Variants in DIP2C observed in about 807,000 individuals in gnomAD.
DIP2C encodes disco-interacting protein 2 homolog C.
In DIP2C, 33 loss-of-function variants were observed where a neutral mutation model predicts 192.4. The observed-to-expected ratio is 0.17, with a 90% CI of 0.13 to 0.23. The LOEUF is 0.23. Among genes scored for constraint, DIP2C ranks in the 10% least tolerant of loss-of-function variants. The pLI, the probability that DIP2C is intolerant of heterozygous loss-of-function variation, is 1.00. For synonymous variants in DIP2C, 979 were observed against 864.1 expected, an observed-to-expected ratio of 1.13 and a Z score of -2.33; for missense variants, 1,537 against 2,110.1, an observed-to-expected ratio of 0.73 and a Z score of 5.32.
chr10:277,668 C>CCTGCCTGAGCA, intron 36 of DIP2C, 91 bp from the exon 37 acceptor site: 1 of 1,524,030 alleles, frequency 6.6e-7, no homozygotes, highest in African/African-American at 1.4e-5. Context: ...CTCTCTCTGA[C>CCTGCCTGAGCA]CTGCCTGAGC....
At chr10:619,669 G>T (rs1309951759) in intron 1 of DIP2C, among the ~76,000 whole-genome samples, 1 of 152,072 alleles carries the variant, frequency 6.6e-6, no homozygotes, top group Non-Finnish European at 1.5e-5. Flanking sequence ...CAGACCCCAG[G>T]AATAAACTCA....
At chr10:331,928 T>C (rs1957526801) in intron 29 of DIP2C, among the ~76,000 whole-genome samples, 2 of 150,830 alleles carry the variant, frequency 1.3e-5, no homozygotes, top group Admixed American at 1.3e-4. Flanking sequence ...ACCACTTCTT[T>C]TCTTTTTTTC....
intron 1 of DIP2C, among the ~76,000 whole-genome samples, chr10:545,677 C>T (rs916397633): frequency 6.6e-6 from 1 of 152,176 alleles, no homozygotes; most frequent in Non-Finnish European, 1.5e-5. Context: ...GTGTCTGTTA[C>T]GGTACCCAGC....
In DIP2C at chr10:500,792, G is replaced by A. The variant is rs796591369; in HGVS notation, c.86-14262C>T. On this transcript the variant is annotated intron_variant, in intron 1 of 36. Transcript: ENST00000280886. ...AAGCAATGGATAACAAAACAAGACAGGCCAGGTCCCATCAGGACAGGAATG... is the reference window on the plus strand; with the variant it reads ...AAGCAATGGATAACAAAACAAGACAAGCCAGGTCCCATCAGGACAGGAATG... 2.2e-4 allele frequency among the ~76,000 whole-genome samples: 33 copies of A among 152,284 alleles called. 1 individual carries two copies. Among genetic ancestry groups the A allele is most frequent in the African/African-American group, 7.7e-4 (32 of 41,564 alleles).
At chr10:443,462 G>A (rs995537449) in intron 3 of DIP2C, among the ~76,000 whole-genome samples, 3 of 152,186 alleles carry the variant, frequency 2.0e-5, no homozygotes, top group African/African-American at 4.8e-5. Context: ...TGCTAGTGAA[G>A]TATGGTGTTT....
chr10:545,574 C>T (rs1848240790), intron 1 of DIP2C, among the ~76,000 whole-genome samples: 1 of 152,174 alleles, frequency 6.6e-6, no homozygotes, highest in East Asian at 1.9e-4. Flanking sequence ...GGGGTGAGGA[C>T]CCGGAGGATC....
intron 1 of DIP2C, chr10:650,275 C>A (rs1257021443): frequency 9.8e-6 from 7 of 716,812 alleles, no homozygotes; most frequent in African/African-American, 1.7e-5. Context: ...TGACACAGCA[C>A]TGGATGCGAT....
intron 17 of DIP2C, among the ~76,000 whole-genome samples, chr10:380,394 A>G: frequency 6.6e-6 from 1 of 151,814 alleles, no homozygotes; most frequent in Non-Finnish European, 1.5e-5. Context: ...GATGATGGTT[A>G]ATGCGCAGAA....
At chr10:484,498 A>G (rs879435220) in intron 2 of DIP2C, among the ~76,000 whole-genome samples, 12 of 152,218 alleles carry the variant, frequency 7.9e-5, no homozygotes, top group Non-Finnish European at 1.5e-4. Flanking sequence ...TTTGTCACGC[A>G]TTCTTCTTAA....
In DIP2C at chr10:643,126, C is replaced by T. The variant is rs974947979; in HGVS notation, c.85+46368G>A. Among the ~76,000 whole-genome samples the T allele has an allele frequency of 6.0e-4, 91 of 151,516 alleles. 2 individuals carry two copies. Among genetic ancestry groups the T allele is most frequent in the African/African-American group, 2.0e-3 (82 of 41,206 alleles). The stretch of plus-strand genomic sequence containing the variant: ...GCTGAGGCAGGACAACGGCTTGAAC[C>T]GGGAGGCAGAGATTGCAGTGAGTGG... On this transcript the variant is annotated intron_variant, in intron 1 of 36. Coordinates refer to ENST00000280886, the MANE Select transcript of DIP2C (RefSeq NM_014974.3).
intron 1 of DIP2C, among the ~76,000 whole-genome samples, chr10:512,656 G>A (rs1475352515): frequency 6.6e-6 from 1 of 152,140 alleles, no homozygotes; most frequent in Non-Finnish European, 1.5e-5. Context: ...GCTCACGCCT[G>A]GAATCCCAGC....
At chr10:507,261 C>T (rs746531190) in intron 1 of DIP2C, among the ~76,000 whole-genome samples, 44 of 150,788 alleles carry the variant, frequency 2.9e-4, no homozygotes, top group African/African-American at 1.0e-3. Context: ...CCTGGTCACC[C>T]GCTGTGTCCA....
At chr10:531,197 T>C (rs114759754) in intron 1 of DIP2C, among the ~76,000 whole-genome samples, 1 of 152,306 alleles carries the variant, frequency 6.6e-6, no homozygotes, top group African/African-American at 2.4e-5. Flanking sequence ...ACTGCGTGTG[T>C]GCTGTGACTT....
At chr10:432,992 T>C (rs1023178397) in intron 4 of DIP2C, among the ~76,000 whole-genome samples, 1 of 152,220 alleles carries the variant, frequency 6.6e-6, no homozygotes, top group Non-Finnish European at 1.5e-5. Context: ...CTCGTTTAAT[T>C]CCTATTCTTT....
chr10:426,323 A>G (rs1202590142), intron 4 of DIP2C, among the ~76,000 whole-genome samples: 3 of 152,234 alleles, frequency 2.0e-5, no homozygotes, highest in Non-Finnish European at 4.4e-5. Flanking sequence ...ACTATAAAAC[A>G]TTACTGAAAT....
intron 3 of DIP2C, among the ~76,000 whole-genome samples, chr10:469,004 T>C (rs1034354021): frequency 6.6e-6 from 1 of 151,936 alleles, no homozygotes; most frequent in African/African-American, 2.4e-5. Context: ...CCATCATCTG[T>C]GCAGGTGCAT....
chr10:622,651 G>C lies in DIP2C; in HGVS notation c.85+66843C>G, dbSNP rs150661216. On this transcript the variant is annotated intron_variant, in intron 1 of 36. Coordinates refer to ENST00000280886, the MANE Select transcript of DIP2C (RefSeq NM_014974.3). Reference sequence around the variant, plus strand: ...TGGGCCAATGCCTCTCTATGCTTGAGTCCATTTGACTAAATACCCGATATT... The same window carrying C: ...TGGGCCAATGCCTCTCTATGCTTGACTCCATTTGACTAAATACCCGATATT... Among the ~76,000 whole-genome samples the C allele has an allele frequency of 9.6e-4, 146 of 152,314 alleles. 1 individual carries two copies. Among genetic ancestry groups the C allele is most frequent in the South Asian group, 1.9e-3 (9 of 4,814 alleles).
Position 449,312 on chromosome 10 carries a change from G to T in DIP2C, c.269-8316C>A, listed in dbSNP as rs116253295. On this transcript the variant is annotated intron_variant, in intron 3 of 36. Transcript: ENST00000280886. ...CGACTTCTCCACCTCCCCATACAAA[G>T]GCAAGATGTTATTTAGGCAAACAAA... is the stretch of plus-strand genomic sequence containing the variant. 3.8e-3 allele frequency among the ~76,000 whole-genome samples: 578 copies of T among 152,190 alleles called. 2 individuals are homozygous for T. Among genetic ancestry groups the T allele is most frequent in the Middle Eastern group, 0.01 (3 of 294 alleles).
intron 29 of DIP2C, among the ~76,000 whole-genome samples, chr10:329,896 C>T (rs1957428378): frequency 6.6e-6 from 1 of 152,116 alleles, no homozygotes; most frequent in African/African-American, 2.4e-5. Flanking sequence ...CCTGCGACAT[C>T]AGCAAACTGG....
Sources: gnomAD v4.1 joint callset for allele counts (sites outside exome capture counted in the v4.1 genomes callset) on GRCh38, gnomAD v4.1.1 for gene constraint, MANE v1.5 for transcripts, NCBI Gene and HGNC (gene_info 2026-07-23, HGNC 2026-07-21) for gene names.